Variants in HOXC5 observed in about 807,000 individuals in gnomAD.
HOXC5 encodes homeobox C5.
HOXC5 carries 19 observed loss-of-function variants against 20.1 expected under a neutral mutation model. The ratio of observed to expected loss-of-function variants is 0.94; its 90% CI spans 0.66 to 1.38. The LOEUF is 1.38. Ranked by LOEUF, HOXC5 falls within the 40% of genes most tolerant of loss-of-function variation. The pLI is 0.00. For missense variants in HOXC5, 330 were observed against 300.1 expected (o/e 1.10, Z -0.74); for synonymous variants, 124 against 117.0 (o/e 1.06, Z -0.39).
At chr12:54,028,261 A>G (rs1034170785), upstream of HOXC5, 71 of 214,022 alleles carry the variant, frequency 3.3e-4, 3 homozygotes, top group African/African-American at 1.6e-3. Flanking sequence ...ATATATATAT[A>G]TATATATTTT....
chr12:54,034,520 G>C lies in HOXC5; in HGVS notation c.*28G>C, dbSNP rs1356345090. 6.3e-7 allele frequency: 1 copy of C among 1,581,486 alleles called. No homozygotes were observed. The highest frequency in any genetic ancestry group is 1.3e-5 in the African/African-American group (1 of 74,096). On this transcript the variant is annotated 3_prime_UTR_variant, in exon 2 of 2. Coordinates refer to ENST00000312492, the MANE Select transcript of HOXC5 (RefSeq NM_018953.4). ...GCAGCGGGGGAGGCCCGCAGAGCGCGCCCCTAGCCGGTTCCTGTCCCTGCG... is the reference window on the plus strand; with the variant it reads ...GCAGCGGGGGAGGCCCGCAGAGCGCCCCCCTAGCCGGTTCCTGTCCCTGCG...
At chr12:54,023,006 C>A in the HOXC5 span, among the ~76,000 whole-genome samples, 1 of 152,186 alleles carries the variant, frequency 6.6e-6, no homozygotes, top group African/African-American at 2.4e-5. Flanking sequence ...GGATATTCTG[C>A]ATTTTAATTT....
At chr12:54,033,965 AG>A (rs1187194407) in intron 1 of HOXC5, 1 of 394,980 alleles carries the variant, frequency 2.5e-6, no homozygotes, top group African/African-American at 2.2e-5. Flanking sequence ...GAGGGGCGGG[AG>A]GGGGGTCCCC....
rs747629502 is a variant in HOXC5, at chr12:54,034,524, C to T, written c.*32C>T. 6.4e-7 allele frequency: 1 copy of T among 1,570,796 alleles called. No individual in the cohort carries two copies. On this transcript the variant is annotated 3_prime_UTR_variant, in exon 2 of 2. Coordinates refer to ENST00000312492, the MANE Select transcript of HOXC5 (RefSeq NM_018953.4). ...CGGGGGAGGCCCGCAGAGCGCGCCC[C>T]TAGCCGGTTCCTGTCCCTGCGCCTT...
upstream of HOXC5, among the ~76,000 whole-genome samples, chr12:54,032,702 A>C (rs1941029934): frequency 6.6e-6 from 1 of 152,162 alleles, no homozygotes; most frequent in South Asian, 2.1e-4. Context: ...CAGCCACCGG[A>C]AAGCAAGCTG....
chr12:54,033,356 C>T lies in HOXC5; in HGVS notation c.234C>T (p.Ala78=). ...ACCCCGACCGCCCCGCCTGCAGCGC[C>T]GCGGCCGCTCCGGGACACGCTCCGG... ...RAHPDRPACS[A]AAAPGHAPGR... is the part of the protein sequence containing the mutation. Residue 78 remains alanine (A), a synonymous_variant, in exon 1 of 2, where the codon GCC becomes GCT. Transcript: ENST00000312492. 1.9e-6 allele frequency: 3 copies of T among 1,612,758 alleles called. No individual in the cohort carries two copies. The highest frequency in any genetic ancestry group is 2.5e-6 in the Non-Finnish European group (3 of 1,179,376).
Position 54,033,558 on chromosome 12 carries a change from A to C in HOXC5, c.436A>C (p.Lys146Gln). ...GCCACAGATTTACCCGTGGATGACC[A>C]AACTGCACATGAGCCACGGTAAACT... ...APPQIYPWMT[K>Q]LHMSHETDGK... Residue 146 changes from lysine (K) to glutamine (Q), a missense_variant, in exon 1 of 2, where the codon AAA becomes CAA. By Grantham distance (53) the Lys-to-Gln change is moderately conservative. Coordinates refer to ENST00000312492, the MANE Select transcript of HOXC5 (RefSeq NM_018953.4). The C allele has an allele frequency of 9.4e-6, 15 of 1,593,026 alleles. No homozygotes were observed. The highest frequency in any genetic ancestry group is 1.3e-5 in the Non-Finnish European group (15 of 1,174,342).
chr12:54,033,300 G>T lies in HOXC5; in HGVS notation c.178G>T (p.Gly60Trp). ...GCCTGCGCCTTCCAACTCTCTCCACGGGGTAGACATGGCTGCCAACCCCCG... is the reference window on the plus strand; with the variant it reads ...GCCTGCGCCTTCCAACTCTCTCCACTGGGTAGACATGGCTGCCAACCCCCG... ...PPPAPSNSLH[G>W]VDMAANPRAH... The change falls in exon 1 of 2, where the codon GGG (glycine) becomes TGG (tryptophan). Residue 60 changes from glycine (G) to tryptophan (W), a missense_variant. Gly to Trp is a radical substitution (Grantham distance 184). Transcript: ENST00000312492. The T allele has an allele frequency of 6.2e-7, 1 of 1,614,052 alleles. No homozygotes were observed. Among genetic ancestry groups the T allele is most frequent in the Non-Finnish European group, 8.5e-7 (1 of 1,180,020 alleles).
chr12:54,033,672 T>C (rs1272367065), intron 1 of HOXC5, 96 bp downstream of exon 1: 5 of 1,129,320 alleles, frequency 4.4e-6, no homozygotes, highest in Non-Finnish European at 4.9e-6. Context: ...GCCATAAATT[T>C]TACGATCCAG....
the HOXC5 span, among the ~76,000 whole-genome samples, chr12:54,024,152 G>A: frequency 9.9e-5 from 15 of 152,188 alleles, no homozygotes; most frequent in Non-Finnish European, 1.9e-4. Context: ...GGCTTTCTCC[G>A]TAAGAGGGAT....
chr12:54,033,510 G>A lies in HOXC5; in HGVS notation c.388G>A (p.Gly130Arg). ...GCAGGCGCAGACAGGGCAGCCCGCC[G>A]GACTGAGCCAGCCACCGGCCCCGCC... The part of the protein sequence containing the change: ...EEQAQTGQPA[G>R]LSQPPAPPQI... Residue 130 changes from glycine to arginine, a missense_variant, in exon 1 of 2, where the codon GGA (glycine) becomes AGA (arginine). Physicochemically the swap from Gly to Arg is moderately radical, Grantham distance 125. Transcript: ENST00000312492. 11 of 1,586,756 alleles carry A rather than the reference G, an allele frequency of 6.9e-6. No individual in the cohort carries two copies. The highest frequency in any genetic ancestry group is 8.5e-6 in the Non-Finnish European group (10 of 1,170,826).
At chr12:54,017,685 A>C in the HOXC5 span, among the ~76,000 whole-genome samples, 4 of 152,064 alleles carry the variant, frequency 2.6e-5, no homozygotes, top group Non-Finnish European at 5.9e-5. Flanking sequence ...TGTGGGGCTC[A>C]AGCCGGCGGT....
chr12:54,026,183 A>G, the HOXC5 span, among the ~76,000 whole-genome samples: 3 of 152,210 alleles, frequency 2.0e-5, no homozygotes, highest in Admixed American at 6.5e-5. Flanking sequence ...CACTACCCTT[A>G]GGGCAGAAAG....
upstream of HOXC5, chr12:54,028,383 C>A: frequency 1.1e-6 from 1 of 911,108 alleles, no homozygotes; most frequent in Non-Finnish European, 1.6e-6. Flanking sequence ...TTGCGATTGG[C>A]TGGGAGGGGG....
chr12:54,034,688 G>A lies in HOXC5; in HGVS notation c.*196G>A. ...CCAGGGTTCCCGCGGGGCTGTCGGC[G>A]CTGCCCCATCTCCCCTCAGCTCGGC... On this transcript the variant is annotated 3_prime_UTR_variant, in exon 2 of 2. Coordinates refer to ENST00000312492, the MANE Select transcript of HOXC5 (RefSeq NM_018953.4). 1 of 578,150 alleles carries A rather than the reference G, an allele frequency of 1.7e-6. No homozygotes were observed. The highest frequency in any genetic ancestry group is 3.1e-6 in the Non-Finnish European group (1 of 325,126). The allele number at this position is 578,150 out of a possible 1,614,324, so 35.8% of individuals were successfully genotyped here.
upstream of HOXC5, among the ~76,000 whole-genome samples, chr12:54,031,620 T>C (rs1348863568): frequency 2.6e-5 from 4 of 152,120 alleles, no homozygotes; most frequent in African/African-American, 4.8e-5. Context: ...GGGAGAGGTG[T>C]TGAGGAGGGT....
At chr12:54,018,015 C>G in the HOXC5 span, among the ~76,000 whole-genome samples, 1 of 152,312 alleles carries the variant, frequency 6.6e-6, no homozygotes, top group East Asian at 1.9e-4. Context: ...CCGGCGGGGC[C>G]TGTTAATTGG....
At position 54,033,302 on chromosome 12, in the gene HOXC5, G is replaced by T. The variant is rs139064806; in HGVS notation, c.180G>T (p.Gly60=). 7.9e-5 allele frequency: 127 copies of T among 1,614,118 alleles called. No homozygotes were observed. Among genetic ancestry groups the T allele is most frequent in the Non-Finnish European group, 1.0e-4 (119 of 1,180,036 alleles). The change falls in exon 1 of 2, where the codon GGG becomes GGT. Residue 60 remains glycine, a synonymous_variant. Coordinates refer to ENST00000312492, the MANE Select transcript of HOXC5 (RefSeq NM_018953.4). ...PPPAPSNSLH[G]VDMAANPRAH... Reference sequence around the variant, plus strand: ...CTGCGCCTTCCAACTCTCTCCACGGGGTAGACATGGCTGCCAACCCCCGGG... The same window carrying T: ...CTGCGCCTTCCAACTCTCTCCACGGTGTAGACATGGCTGCCAACCCCCGGG...
At chr12:54,029,682 G>A (rs2136439230), upstream of HOXC5, 1 of 1,613,670 alleles carries the variant, frequency 6.2e-7, no homozygotes. Flanking sequence ...GACCGGAGGC[G>A]CGGCCGCCAG....
Sources: gnomAD v4.1 joint callset for allele counts (sites outside exome capture counted in the v4.1 genomes callset) on GRCh38, gnomAD v4.1.1 for gene constraint, MANE v1.5 for transcripts, NCBI Gene and HGNC (gene_info 2026-07-23, HGNC 2026-07-21) for gene names.